ECE1: variants seen among roughly 807,000 people sequenced by gnomAD.
ECE1 encodes the protein endothelin-converting enzyme 1.
In ECE1, 35 loss-of-function variants were observed where a neutral mutation model predicts 98.6. The observed-to-expected ratio is 0.35, with a 90% CI of 0.27 to 0.47. The LOEUF (loss-of-function observed/expected upper bound fraction) is 0.47, where lower values mean the gene tolerates loss of function less well. Ranked by LOEUF, ECE1 falls within the 20% of genes least tolerant of loss-of-function variation. The pLI is 1.00. For missense variants in ECE1, 814 were observed against 1,025.3 expected (o/e 0.79, Z 2.81); for synonymous variants, 394 against 407.1 (o/e 0.97, Z 0.39).
At chr1:21,279,503 G>C in intron 2 of ECE1, 171 bp from the exon 3 acceptor site, 2 of 1,488,486 alleles carry the variant, frequency 1.3e-6, no homozygotes, top group East Asian at 5.0e-5. Context: ...GAAAGGAACA[G>C]CCACCCTGCT....
In ECE1 at chr1:21,224,819, C is replaced by T. The variant is rs1020670391; in HGVS notation, c.2040+431G>A. Reference sequence around the variant, plus strand: ...AATCAGAGCCAAGTCAAGTGAGGCTCAAGGAGGTTCTGTGACTTACTCCAG... The same window carrying T: ...AATCAGAGCCAAGTCAAGTGAGGCTTAAGGAGGTTCTGTGACTTACTCCAG... On this transcript the variant is annotated intron_variant, in intron 17 of 18. Transcript: ENST00000374893. 2.6e-5 allele frequency among the ~76,000 whole-genome samples: 4 copies of T among 152,314 alleles called. No individual in the cohort carries two copies. In the East Asian group the frequency reaches 7.7e-4, roughly 29 times the overall value.
rs1368687536 is a variant in ECE1 at position 21,227,105 on chromosome 1, C to G, written c.1849+54G>C. 2.5e-6 allele frequency: 4 copies of G among 1,583,068 alleles called. No individual in the cohort carries two copies. The East Asian group carries it at 8.9e-5, about 35-fold the overall frequency. ...ACTCCTGCCCTCAAGCAATCCTCCT[C>G]TTAAAGCACGGAGATTACAGGCATG... is the stretch of plus-strand genomic sequence containing the variant. On this transcript the variant is annotated intron_variant, in intron 16 of 18. Coordinates refer to ENST00000374893, the MANE Select transcript of ECE1 (RefSeq NM_001397.3).
chr1:21,289,925 G>A (rs2098264644), intron 2 of ECE1, 145 bp downstream of exon 2: 3 of 1,091,768 alleles, frequency 2.7e-6, no homozygotes, highest in Admixed American at 4.3e-5. Flanking sequence ...GCTGCGGGGA[G>A]GCGCGGCCCC....
At chr1:21,244,878 A>G in intron 10 of ECE1, 111 bp downstream of exon 10, 4 of 999,872 alleles carry the variant, frequency 4.0e-6, no homozygotes, top group Non-Finnish European at 6.3e-6. Flanking sequence ...CTCCTTCCGG[A>G]AGCTTCTACC....
At chr1:21,309,949 A>G (rs551941246) in intron 1 of ECE1, among the ~76,000 whole-genome samples, 240 of 151,500 alleles carry the variant, frequency 1.6e-3, no homozygotes, top group African/African-American at 5.6e-3. Context: ...CCGCCACCAC[A>G]CCCGGCTATT....
chr1:21,344,578 C>CG (rs889678443), intron 1 of ECE1, among the ~76,000 whole-genome samples: 1 of 152,152 alleles, frequency 6.6e-6, no homozygotes, highest in African/African-American at 2.4e-5. Flanking sequence ...AACAGCCCCC[C>CG]CCCAGGAAGC....
chr1:21,257,792 C>T (rs549869774), intron 6 of ECE1, among the ~76,000 whole-genome samples: 3 of 152,040 alleles, frequency 2.0e-5, no homozygotes, highest in African/African-American at 4.8e-5. Flanking sequence ...GTGGCCCCCC[C>T]CCGCAGGGCT....
At chr1:21,287,230 A>C (rs1041533281) in intron 2 of ECE1, among the ~76,000 whole-genome samples, 3 of 152,214 alleles carry the variant, frequency 2.0e-5, no homozygotes, top group African/African-American at 7.2e-5. Flanking sequence ...AAAAAGTCTA[A>C]AATTGAGAGC....
Position 21,225,374 on chromosome 1 carries a change from T to C in ECE1, c.1916A>G (p.Lys639Arg). Residue 639 changes from lysine to arginine, a missense_variant, in exon 17 of 19, where the codon AAG (lysine) becomes AGG (arginine). By Grantham distance (26) the Lys-to-Arg change is conservative. Around this residue, in one of 3 missense-constraint regions of ECE1, gnomAD observed 452 missense variants for 567.3 expected, o/e 0.80. Transcript: ENST00000374893. The surrounding 1 kb of genome is among the most constrained non-coding windows in gnomAD (Gnocchi z 5.3). ...WWKNSSVEAF[K>R]RQTECMVEQY... is the part of the protein sequence containing the mutation. The stretch of plus-strand genomic sequence containing the variant: ...CTCTACCATGCACTCGGTCTGACGC[T>C]TGAAGGCCTCCACGGATGAGTTCTT... 1.2e-6 allele frequency: 2 copies of C among 1,614,176 alleles called. No individual in the cohort carries two copies. Among genetic ancestry groups the C allele is most frequent in the South Asian group, 1.1e-5 (1 of 91,092 alleles).
intron 1 of ECE1, among the ~76,000 whole-genome samples, chr1:21,329,106 G>GT (rs1639142649): frequency 6.6e-6 from 1 of 152,186 alleles, no homozygotes; most frequent in African/African-American, 2.4e-5. Context: ...GAGAAGACAT[G>GT]TAATAAATTA....
intron 1 of ECE1, among the ~76,000 whole-genome samples, chr1:21,297,529 TC>T (rs1558421079): frequency 8.0e-6 from 1 of 124,310 alleles, no homozygotes; most frequent in Non-Finnish European, 1.6e-5. Flanking sequence ...TTTTTCTTTT[TC>T]TTTTTTTTTT....
At chr1:21,275,920 T>C (rs758310705) in intron 3 of ECE1, among the ~76,000 whole-genome samples, 7 of 152,290 alleles carry the variant, frequency 4.6e-5, no homozygotes, top group South Asian at 2.1e-4. Context: ...TCCTTGTTCA[T>C]TTCTCCTACT....
rs371133150 is a variant in ECE1 at position 21,222,625 on chromosome 1, G to C, written c.2041-783C>G. 3.9e-5 allele frequency among the ~76,000 whole-genome samples: 6 copies of C among 152,174 alleles called. No individual in the cohort carries two copies. The South Asian group carries it at 8.3e-4, about 21-fold the overall frequency. On this transcript the variant is annotated intron_variant, in intron 17 of 18. Coordinates refer to ENST00000374893, the MANE Select transcript of ECE1 (RefSeq NM_001397.3). Reference sequence around the variant, plus strand: ...GAAGGCCCAGGCAGGTGGATCACCTGAGGTTAGGAGTTTGAGACCAGCCTG... The same window carrying C: ...GAAGGCCCAGGCAGGTGGATCACCTCAGGTTAGGAGTTTGAGACCAGCCTG...
At chr1:21,231,126 C>G (rs1053486168) in intron 14 of ECE1, among the ~76,000 whole-genome samples, 3 of 152,142 alleles carry the variant, frequency 2.0e-5, no homozygotes, top group South Asian at 4.1e-4. Flanking sequence ...CCGCGCCCAG[C>G]AATAATTTTT....
At chr1:21,240,418 T>C (rs2098194584) in intron 10 of ECE1, among the ~76,000 whole-genome samples, 1 of 149,562 alleles carries the variant, frequency 6.7e-6, no homozygotes, top group Non-Finnish European at 1.5e-5. Context: ...ACCCTGGGGA[T>C]GGAGGTTGCA....
chr1:21,261,763 C>A (rs949087776), intron 4 of ECE1, among the ~76,000 whole-genome samples: 2 of 152,140 alleles, frequency 1.3e-5, no homozygotes, highest in Admixed American at 6.5e-5. Context: ...TCACTCCCTT[C>A]GGAGGGGTGG....
intron 1 of ECE1, among the ~76,000 whole-genome samples, chr1:21,303,195 C>T (rs1454695668): frequency 2.6e-5 from 4 of 152,192 alleles, no homozygotes; most frequent in Admixed American, 6.5e-5. Context: ...AGGGTGGGGC[C>T]GTGGTACTCT....
At chr1:21,274,724 T>C (rs1374242074) in intron 3 of ECE1, among the ~76,000 whole-genome samples, 3 of 152,166 alleles carry the variant, frequency 2.0e-5, no homozygotes, top group African/African-American at 7.2e-5. Context: ...GATGGGTGGC[T>C]GACAAAGGGC....
chr1:21,234,480 T>C (rs1423070673), intron 13 of ECE1, among the ~76,000 whole-genome samples: 2 of 151,316 alleles, frequency 1.3e-5, no homozygotes, highest in African/African-American at 4.9e-5. Flanking sequence ...GCTTTCTAGC[T>C]TTTTTTCTGC....
Sources: gnomAD v4.1 joint callset for allele counts (sites outside exome capture counted in the v4.1 genomes callset) on GRCh38, gnomAD v4.1.1 for gene constraint, gnomAD v4.1.1 regional missense constraint, Gnocchi (gnomAD v3.1) non-coding constraint, MANE v1.5 for transcripts, NCBI Gene and HGNC (gene_info 2026-07-23, HGNC 2026-07-21) for gene names.